The following STAU2 variants were observed in gnomAD, a reference collection of about 807,000 sequenced individuals.
STAU2 encodes double-stranded RNA-binding protein Staufen homolog 2.
STAU2 carries 20 observed loss-of-function variants against 65.9 expected under a neutral mutation model. The ratio of observed to expected loss-of-function variants is 0.30; its 90% confidence interval spans 0.21 to 0.44. The LOEUF (loss-of-function observed/expected upper bound fraction) is 0.44, where lower values mean the gene tolerates loss of function less well. STAU2 is among the 20% of genes least tolerant of loss of function. The pLI is 1.00. For missense variants in STAU2, 558 were observed against 683.9 expected, an observed-to-expected ratio of 0.82 and a Z score of 2.05; for synonymous variants, 232 against 233.9, an observed-to-expected ratio of 0.99 and a Z score of 0.07.
At chr8:73,564,556 G>C (rs1237920704) in intron 12 of STAU2, among the ~76,000 whole-genome samples, 1 of 151,766 alleles carries the variant, frequency 6.6e-6, no homozygotes, top group Non-Finnish European at 1.5e-5. Flanking sequence ...TAACTAACAG[G>C]TACTAGGCTT....
rs1478360633 is a variant in STAU2, at chr8:73,704,074, G to T, written c.114+4958C>A. On this transcript the variant is annotated intron_variant, in intron 4 of 14. Coordinates refer to ENST00000524300, the MANE Select transcript of STAU2 (RefSeq NM_001164380.2). ...CAAATGTACATAGAAAGAAAATGAT[G>T]ATTTCATCATGCCTGAAAATTATGT... Among the ~76,000 whole-genome samples, 3 of 152,050 alleles carry T rather than the reference G, an allele frequency of 2.0e-5. No individual in the cohort carries two copies. The South Asian group carries it at 6.2e-4, about 31-fold the overall frequency.
At chr8:73,490,327 A>G (rs1821099627) in intron 13 of STAU2, among the ~76,000 whole-genome samples, 1 of 152,026 alleles carries the variant, frequency 6.6e-6, no homozygotes, top group African/African-American at 2.4e-5. Context: ...TGATTTACAC[A>G]ATATTCTCCC....
intron 13 of STAU2, among the ~76,000 whole-genome samples, chr8:73,445,756 C>G (rs1818432298): frequency 6.6e-6 from 1 of 152,152 alleles, no homozygotes; most frequent in African/African-American, 2.4e-5. Flanking sequence ...AAAAGATGCT[C>G]AATATCACTG....
At chr8:73,657,537 C>T (rs188114574) in intron 6 of STAU2, among the ~76,000 whole-genome samples, 12 of 152,120 alleles carry the variant, frequency 7.9e-5, no homozygotes, top group Admixed American at 4.6e-4. Flanking sequence ...TAGCAATAAA[C>T]GTATTCAAAT....
chr8:73,492,226 T>A lies in STAU2; in HGVS notation c.1530+59786A>T, dbSNP rs563430526. Among the ~76,000 whole-genome samples the A allele has an allele frequency of 3.9e-5, 6 of 152,112 alleles. No homozygotes were observed. The South Asian group carries it at 1.2e-3, about 31-fold the overall frequency. ...AACTATGCCATACAAGCTACTATTA[T>A]GTCAGAAAATTACCAGGTATCCATT... On this transcript the variant is annotated intron_variant, in intron 13 of 14. Transcript: ENST00000524300.
chr8:73,620,859 T>G (rs924846665), intron 6 of STAU2, among the ~76,000 whole-genome samples: 1 of 152,178 alleles, frequency 6.6e-6, no homozygotes. Flanking sequence ...ATATCACATC[T>G]CCTCATACCA....
intron 12 of STAU2, among the ~76,000 whole-genome samples, chr8:73,559,465 C>T (rs1026049572): frequency 6.6e-6 from 1 of 152,212 alleles, no homozygotes; most frequent in Non-Finnish European, 1.5e-5. Context: ...AATGCACAGG[C>T]CCTGGCTCCC....
intron 3 of STAU2, among the ~76,000 whole-genome samples, chr8:73,717,799 T>C (rs2130691333): frequency 6.6e-6 from 1 of 152,188 alleles, no homozygotes; most frequent in East Asian, 1.9e-4. Flanking sequence ...TTTTACAGCT[T>C]TTAATTCTTG....
At chr8:73,504,515 T>C (rs562667433) in intron 13 of STAU2, among the ~76,000 whole-genome samples, 64 of 152,252 alleles carry the variant, frequency 4.2e-4, no homozygotes, top group African/African-American at 1.5e-3. Context: ...GTATAGAGTG[T>C]TTGAATTTTT....
chr8:73,642,723 G>A (rs2130141258), intron 6 of STAU2, among the ~76,000 whole-genome samples: 1 of 152,284 alleles, frequency 6.6e-6, no homozygotes, highest in South Asian at 2.1e-4. Context: ...AGCAAGGCAG[G>A]GGCCTGGGGA....
chr8:73,575,902 A>AT (rs1458921353), intron 12 of STAU2, among the ~76,000 whole-genome samples: 3 of 152,128 alleles, frequency 2.0e-5, no homozygotes, highest in African/African-American at 7.2e-5. Context: ...GCTGTTTTGC[A>AT]TTTTTAATTT....
intron 3 of STAU2, 93 bp from the exon 4 acceptor site, chr8:73,709,255 T>A: frequency 9.1e-7 from 1 of 1,099,234 alleles, no homozygotes; most frequent in Non-Finnish European, 1.2e-6. Context: ...ATTGTATATT[T>A]AAATTATTTT....
chr8:73,611,827 G>A (rs927709856), intron 9 of STAU2, among the ~76,000 whole-genome samples: 8 of 151,896 alleles, frequency 5.3e-5, no homozygotes, highest in South Asian at 2.1e-4. Flanking sequence ...GATTAGAGAC[G>A]CATGCCACCA....
intron 3 of STAU2, among the ~76,000 whole-genome samples, chr8:73,724,377 T>C (rs1255119219): frequency 6.6e-6 from 1 of 152,146 alleles, no homozygotes; most frequent in Non-Finnish European, 1.5e-5. Context: ...CTTGTAAACA[T>C]CATAAATATA....
intron 11 of STAU2, among the ~76,000 whole-genome samples, chr8:73,594,185 T>C (rs1586080838): frequency 1.3e-5 from 2 of 152,234 alleles, no homozygotes; most frequent in East Asian, 3.9e-4. Flanking sequence ...CAAATACTTT[T>C]AAAAGAAGAA....
At chr8:73,455,914 C>T (rs184129186) in intron 13 of STAU2, among the ~76,000 whole-genome samples, 7 of 152,236 alleles carry the variant, frequency 4.6e-5, no homozygotes, top group African/African-American at 9.6e-5. Context: ...GATGGATGGA[C>T]GGACGGATGG....
Position 73,561,474 on chromosome 8 carries a change from G to A in STAU2, c.1223-9155C>T, listed in dbSNP as rs76903391. On this transcript the variant is annotated intron_variant, in intron 12 of 14. Transcript: ENST00000524300. ...TTTAAGTGGGGTTAAAATGTTGCTC[G>A]TAAAATAAAGATCGTTCTTCTTGGT... 848 of 450,034 alleles carry A rather than the reference G, an allele frequency of 1.9e-3. 6 individuals carry two copies. The East Asian group carries it at 0.023, about 12-fold the overall frequency. The allele number at this position is 450,034 out of a possible 1,614,324, so 27.9% of individuals were successfully genotyped here.
At chr8:73,713,241 TTA>T (rs1821018966) in intron 3 of STAU2, among the ~76,000 whole-genome samples, 1 of 152,236 alleles carries the variant, frequency 6.6e-6, no homozygotes, top group South Asian at 2.1e-4. Context: ...CACTCTATTT[TTA>T]TGTCTTCACA....
chr8:73,655,690 CCAGGCTGGAGTG>C (rs1325998410), intron 6 of STAU2, among the ~76,000 whole-genome samples: 6 of 141,262 alleles, frequency 4.2e-5, no homozygotes, highest in African/African-American at 1.6e-4. Flanking sequence ...GCTCTGTCGC[CCAGGCTGGAGTG>C]CAGTGGCGCG....
Sources: allele counts gnomAD v4.1 joint callset (sites outside exome capture counted in the v4.1 genomes callset), GRCh38; gene constraint gnomAD v4.1.1; transcripts MANE v1.5; gene names NCBI Gene and HGNC (gene_info 2026-07-23, HGNC 2026-07-21).